Variants in ZNF503 observed in about 807,000 individuals in gnomAD.
ZNF503 encodes the protein NocA-like zinc finger 2.
ZNF503 carries 15 observed loss-of-function variants against 34.4 expected under a neutral mutation model. The ratio of observed to expected loss-of-function variants is 0.44; its 90% CI spans 0.29 to 0.67. The LOEUF (loss-of-function observed/expected upper bound fraction) is 0.67, where lower values mean the gene tolerates loss of function less well. Ranked by LOEUF, ZNF503 falls within the 30% of genes least tolerant of loss-of-function variation. ZNF503 has a pLI of 0.13. For missense variants in ZNF503, 1,007 were observed against 926.8 expected (o/e 1.09, Z -1.12); for synonymous variants, 580 against 456.8 (o/e 1.27, Z -3.44).
At chr10:75,356,270 G>A in the ZNF503 span, among the ~76,000 whole-genome samples, 2 of 152,192 alleles carry the variant, frequency 1.3e-5, no homozygotes, top group Non-Finnish European at 1.5e-5. Flanking sequence ...AGGCTGGAGT[G>A]CAGTGGCGCA....
rs1369076318 is a variant in ZNF503, at chr10:75,399,975, C to T, written c.715G>A (p.Gly239Arg). 1.9e-6 allele frequency: 3 copies of T among 1,606,560 alleles called. No homozygotes were observed. The highest frequency in any genetic ancestry group is 2.5e-6 in the Non-Finnish European group (3 of 1,179,520). ...PSSSASACSP[G>R]GMLSSAGGAP... Reference sequence around the variant, plus strand: ...CCCCCGGCCGAGGACAGCATACCTCCCGGCGAGCAGGCCGAGGCGCTGGAG... The same window carrying T: ...CCCCCGGCCGAGGACAGCATACCTCTCGGCGAGCAGGCCGAGGCGCTGGAG... Residue 239 changes from glycine (G) to arginine (R), a missense_variant, in exon 2 of 2, where the codon GGA becomes AGA. Physicochemically the swap from Gly to Arg is moderately radical, Grantham distance 125 (BLOSUM62 -2). Coordinates refer to ENST00000372524, the MANE Select transcript of ZNF503 (RefSeq NM_032772.6).
At chr10:75,285,467 C>G in the ZNF503 span, among the ~76,000 whole-genome samples, 65,473 of 152,094 alleles carry the variant, frequency 0.43, 14,841 homozygotes, top group South Asian at 0.57. Flanking sequence ...TCCCACTCAG[C>G]CTCCATGGAT....
the ZNF503 span, among the ~76,000 whole-genome samples, chr10:75,366,110 T>C: frequency 6.6e-6 from 1 of 152,238 alleles, no homozygotes; most frequent in Admixed American, 6.5e-5. Flanking sequence ...GTTATCTACA[T>C]AGGTAATCTG....
chr10:75,337,628 A>C, the ZNF503 span, among the ~76,000 whole-genome samples: 1 of 152,098 alleles, frequency 6.6e-6, no homozygotes, highest in African/African-American at 2.4e-5. Context: ...CAAAAGAAAA[A>C]AAAATTCTCC....
At chr10:75,386,549 C>A in the ZNF503 span, among the ~76,000 whole-genome samples, 1 of 152,220 alleles carries the variant, frequency 6.6e-6, no homozygotes, top group Non-Finnish European at 1.5e-5. Flanking sequence ...ACTGTCCTTG[C>A]TTTGCTTGTC....
chr10:75,350,289 G>T, the ZNF503 span: 6 of 152,108 alleles, frequency 3.9e-5, no homozygotes, highest in East Asian at 9.6e-4. Flanking sequence ...AGATAAGTAG[G>T]GTCTATATAA....
the ZNF503 span, among the ~76,000 whole-genome samples, chr10:75,325,996 T>C: frequency 1.3e-5 from 2 of 152,272 alleles, no homozygotes; most frequent in African/African-American, 4.8e-5. Flanking sequence ...AGTGCTGGGA[T>C]TGAAGGCATG....
At chr10:75,351,697 T>TA in the ZNF503 span, among the ~76,000 whole-genome samples, 46 of 152,280 alleles carry the variant, frequency 3.0e-4, no homozygotes, top group Non-Finnish European at 4.7e-4. Context: ...CCTCCATTCT[T>TA]ACTCTTTATT....
downstream of ZNF503, among the ~76,000 whole-genome samples, chr10:75,395,651 C>T (rs956055262): frequency 1.3e-5 from 2 of 152,194 alleles, no homozygotes; most frequent in African/African-American, 4.8e-5. The surrounding 1 kb of genome is among the most constrained non-coding windows in gnomAD (Gnocchi z 4.4). Flanking sequence ...GGACACGCAG[C>T]AGATACTGGC....
the ZNF503 span, among the ~76,000 whole-genome samples, chr10:75,291,517 G>GGGAA: frequency 6.6e-6 from 1 of 152,092 alleles, no homozygotes; most frequent in Non-Finnish European, 1.5e-5. Flanking sequence ...GAGGCTGAGG[G>GGGAA]GGAGGATTGC....
At chr10:75,336,225 C>G in the ZNF503 span, among the ~76,000 whole-genome samples, 1 of 152,316 alleles carries the variant, frequency 6.6e-6, no homozygotes, top group South Asian at 2.1e-4. Flanking sequence ...CTAAGCATCT[C>G]CAATGCAAAC....
upstream of ZNF503, chr10:75,401,857 G>A (rs905001015): frequency 2.6e-5 from 5 of 190,946 alleles, no homozygotes; most frequent in Non-Finnish European, 5.3e-5. Context: ...GGTGATTGGA[G>A]GGTCAAGGGG....
the ZNF503 span, among the ~76,000 whole-genome samples, chr10:75,349,200 A>G: frequency 1.3e-5 from 2 of 152,218 alleles, no homozygotes; most frequent in African/African-American, 2.4e-5. Context: ...TTCTTTATGG[A>G]TATATGTATT....
the ZNF503 span, among the ~76,000 whole-genome samples, chr10:75,364,409 T>A: frequency 6.6e-6 from 1 of 152,174 alleles, no homozygotes; most frequent in African/African-American, 2.4e-5. Context: ...GGGACAATCA[T>A]GTCAACTGTG....
At chr10:75,308,536 T>G in the ZNF503 span, among the ~76,000 whole-genome samples, 7 of 152,324 alleles carry the variant, frequency 4.6e-5, no homozygotes, top group African/African-American at 1.7e-4. Context: ...TTCTGATGGA[T>G]CTGGGCAAAG....
At chr10:75,280,941 C>T in the ZNF503 span, among the ~76,000 whole-genome samples, 17 of 152,088 alleles carry the variant, frequency 1.1e-4, no homozygotes, top group Middle Eastern at 3.4e-3. Context: ...ATGTGGTGGG[C>T]GAGAGCGGCT....
chr10:75,396,329 G>A (rs532268811), downstream of ZNF503, among the ~76,000 whole-genome samples: 1 of 152,304 alleles, frequency 6.6e-6, no homozygotes, highest in African/African-American at 2.4e-5. This position sits in a 1 kb window ranked among gnomAD's most constrained non-coding sequence, Gnocchi z 4.4. Context: ...GTCTCGCGAC[G>A]TCCGGACATC....
the ZNF503 span, among the ~76,000 whole-genome samples, chr10:75,379,930 G>C: frequency 6.6e-6 from 1 of 152,278 alleles, no homozygotes; most frequent in East Asian, 1.9e-4. Flanking sequence ...TCTTCCAGGC[G>C]GGGTGGGAGG....
At chr10:75,281,082 T>C in the ZNF503 span, among the ~76,000 whole-genome samples, 1 of 152,124 alleles carries the variant, frequency 6.6e-6, no homozygotes, top group East Asian at 1.9e-4. Flanking sequence ...CAGACTAGAA[T>C]GCATTGAAAC....
Sources: gnomAD v4.1 joint callset for allele counts (sites outside exome capture counted in the v4.1 genomes callset) on GRCh38, gnomAD v4.1.1 for gene constraint, Gnocchi (gnomAD v3.1) non-coding constraint, MANE v1.5 for transcripts, NCBI Gene and HGNC (gene_info 2026-07-23, HGNC 2026-07-21) for gene names.